Variants in FGF10 observed in about 807,000 individuals in gnomAD.
FGF10 encodes FGF-10.
FGF10 carries 2 observed loss-of-function variants against 19.8 expected under a neutral mutation model. The observed-to-expected ratio is 0.10, with a 90% CI of 0.04 to 0.32. The LOEUF (loss-of-function observed/expected upper bound fraction) is 0.32. Ranked by LOEUF, FGF10 falls within the 10% of genes least tolerant of loss-of-function variation. The pLI is 1.00. For synonymous variants in FGF10, 112 were observed against 94.0 expected (o/e 1.19, Z -1.10); for missense variants, 191 against 246.3 (o/e 0.78, Z 1.50).
At chr5:44,320,471 G>A (rs187922506) in intron 1 of FGF10, among the ~76,000 whole-genome samples, 2 of 152,270 alleles carry the variant, frequency 1.3e-5, no homozygotes, top group Non-Finnish European at 2.9e-5. Flanking sequence ...ACCCAGTGAT[G>A]CAACAGCGGA....
intron 1 of FGF10, among the ~76,000 whole-genome samples, chr5:44,361,140 C>T (rs113220809): frequency 6.6e-6 from 1 of 151,632 alleles, no homozygotes; most frequent in Non-Finnish European, 1.5e-5. Flanking sequence ...CAGCAACTCT[C>T]AAGGTTATTC....
intron 1 of FGF10, among the ~76,000 whole-genome samples, chr5:44,315,095 A>C (rs759532320): frequency 1.3e-5 from 2 of 151,866 alleles, no homozygotes; most frequent in Non-Finnish European, 2.9e-5. Flanking sequence ...CTCATTCTGA[A>C]GGTTACAAAG....
chr5:44,305,123 A>G lies in FGF10; in HGVS notation c.499T>C (p.Phe167Leu), dbSNP rs1374899961. The G allele has an allele frequency of 2.5e-6, 4 of 1,613,942 alleles. No homozygotes were observed. The highest frequency in any genetic ancestry group is 4.5e-5 in the East Asian group (2 of 44,850). The change falls in exon 3 of 3, where the codon TTT (phenylalanine) becomes CTT (leucine). Residue 167 changes from phenylalanine to leucine, a missense_variant. Coordinates refer to ENST00000264664, the MANE Select transcript of FGF10 (RefSeq NM_004465.2). Reference sequence around the variant, plus strand: ...TGCCTCCCATTATGCTGCCAGTTAAATGATGCATAGGTATTGTATCCATTT... The same window carrying G: ...TGCCTCCCATTATGCTGCCAGTTAAGTGATGCATAGGTATTGTATCCATTT... ...EENGYNTYAS[F>L]NWQHNGRQMY...
chr5:44,333,255 T>A (rs2111765588), intron 1 of FGF10, among the ~76,000 whole-genome samples: 1 of 152,290 alleles, frequency 6.6e-6, no homozygotes, highest in Non-Finnish European at 1.5e-5. Flanking sequence ...GGTGGAACAC[T>A]GAGTATATAT....
At chr5:44,305,435 T>G (rs563224903) in intron 2 of FGF10, among the ~76,000 whole-genome samples, 3 of 152,308 alleles carry the variant, frequency 2.0e-5, no homozygotes, top group African/African-American at 4.8e-5. Flanking sequence ...GAAAGCCCTT[T>G]TAAAAAGCTG....
chr5:44,341,703 C>T lies in FGF10; in HGVS notation c.326-31173G>A, dbSNP rs187609567. On this transcript the variant is annotated intron_variant, in intron 1 of 2. Transcript: ENST00000264664. ...TGGTTGCTCAGCACTGCTATAGGAC[C>T]TAAATGTAAGAACAGAAACATTTCT... 2.4e-4 allele frequency among the ~76,000 whole-genome samples: 36 copies of T among 151,984 alleles called. 1 individual carries two copies. The highest frequency in any genetic ancestry group is 8.2e-4 in the African/African-American group (34 of 41,512).
At chr5:44,349,422 TTATATATATATATATATATATATATA>T (rs869035955) in intron 1 of FGF10, among the ~76,000 whole-genome samples, 19 of 41,426 alleles carry the variant, frequency 4.6e-4, no homozygotes, top group African/African-American at 1.8e-3. Context: ...AGCATTTTCT[TTATATATATATATATATATATATATA>T]TATATATATA....
In FGF10 at chr5:44,337,814, G is replaced by A. The variant is rs574315771; in HGVS notation, c.326-27284C>T. Among the ~76,000 whole-genome samples, 8 of 152,160 alleles carry A rather than the reference G, an allele frequency of 5.3e-5. No homozygotes were observed. The South Asian group carries it at 6.3e-4, about 12-fold the overall frequency. ...AAATTAGCCAGGCGTAGTGGCATGC[G>A]CCTGTAGTCCCAGCTACATGGGAGG... On this transcript the variant is annotated intron_variant, in intron 1 of 2. Coordinates refer to ENST00000264664, the MANE Select transcript of FGF10 (RefSeq NM_004465.2).
intron 1 of FGF10, among the ~76,000 whole-genome samples, chr5:44,341,468 A>G (rs978755922): frequency 6.6e-6 from 1 of 150,940 alleles, no homozygotes; most frequent in African/African-American, 2.5e-5. Context: ...AGTCTGAGCT[A>G]TTTCCATAAT....
At chr5:44,353,961 A>AT (rs978084753) in intron 1 of FGF10, among the ~76,000 whole-genome samples, 6 of 151,428 alleles carry the variant, frequency 4.0e-5, no homozygotes, top group African/African-American at 1.2e-4. Flanking sequence ...TTTTTCCTCT[A>AT]TTTTTTTCTT....
At chr5:44,329,970 A>T (rs1463384152) in intron 1 of FGF10, among the ~76,000 whole-genome samples, 1 of 152,204 alleles carries the variant, frequency 6.6e-6, no homozygotes, top group Non-Finnish European at 1.5e-5. Context: ...CTGGTCTAGG[A>T]TAAGCCACAT....
At chr5:44,344,176 G>A (rs1303897811) in intron 1 of FGF10, among the ~76,000 whole-genome samples, 1 of 151,906 alleles carries the variant, frequency 6.6e-6, no homozygotes, top group Non-Finnish European at 1.5e-5. Flanking sequence ...AGAGAGACAG[G>A]TGAGACTGAA....
rs143752431 is a variant in FGF10 at position 44,323,358 on chromosome 5, G to C, written c.326-12828C>G. Among the ~76,000 whole-genome samples, 363 of 152,256 alleles carry C rather than the reference G, an allele frequency of 2.4e-3. 1 individual carries two copies. Among genetic ancestry groups the C allele is most frequent in the African/African-American group, 8.3e-3 (345 of 41,564 alleles). On this transcript the variant is annotated intron_variant, in intron 1 of 2. Coordinates refer to ENST00000264664, the MANE Select transcript of FGF10 (RefSeq NM_004465.2). ...GAAATTAGTTTAAAGGGTTTTCCTG[G>C]TGCTTAAAAATTGTATTTTAAGAAA...
At chr5:44,308,070 T>A (rs565418017) in intron 2 of FGF10, among the ~76,000 whole-genome samples, 9 of 152,216 alleles carry the variant, frequency 5.9e-5, no homozygotes, top group African/African-American at 2.2e-4. Context: ...GAGAAGACAG[T>A]GAACAACAAA....
chr5:44,350,869 C>A (rs1741217507), intron 1 of FGF10, among the ~76,000 whole-genome samples: 1 of 151,146 alleles, frequency 6.6e-6, no homozygotes, highest in Admixed American at 6.6e-5. Flanking sequence ...TTGGTAACTT[C>A]CAGGTTGAAA....
At chr5:44,326,508 C>A (rs1423089235) in intron 1 of FGF10, among the ~76,000 whole-genome samples, 1 of 152,070 alleles carries the variant, frequency 6.6e-6, no homozygotes, top group South Asian at 2.1e-4. Context: ...AAGCGATCCT[C>A]CCAACTCTGC....
chr5:44,317,572 T>C (rs1740378185), intron 1 of FGF10, among the ~76,000 whole-genome samples: 1 of 152,176 alleles, frequency 6.6e-6, no homozygotes, highest in South Asian at 2.1e-4. Flanking sequence ...TTAAAGTGTG[T>C]TAAAGATCAA....
intron 1 of FGF10, among the ~76,000 whole-genome samples, chr5:44,330,757 T>A (rs765712937): frequency 7.9e-5 from 12 of 152,308 alleles, no homozygotes; most frequent in Middle Eastern, 3.4e-3. Flanking sequence ...ATAGAGAGCA[T>A]ACATAGCTTA....
chr5:44,368,245 T>C (rs987280657), intron 1 of FGF10, among the ~76,000 whole-genome samples: 2 of 152,020 alleles, frequency 1.3e-5, no homozygotes, highest in African/African-American at 2.4e-5. Context: ...TAGGGGAAAA[T>C]ATATAATAAG....
Sources: allele counts gnomAD v4.1 joint callset (sites outside exome capture counted in the v4.1 genomes callset), GRCh38; gene constraint gnomAD v4.1.1; transcripts MANE v1.5; gene names NCBI Gene and HGNC (gene_info 2026-07-23, HGNC 2026-07-21).